Variants in TRO observed in about 807,000 individuals in gnomAD.
TRO encodes MAGE superfamily protein.
In TRO, 29 loss-of-function variants were observed where a neutral mutation model predicts 42.3. That is an observed-to-expected ratio of 0.68 (90% CI 0.51 to 0.93). TRO has a LOEUF of 0.93. Ranked by LOEUF, TRO falls within the 40% of genes least tolerant of loss-of-function variation. The probability of loss-of-function intolerance (pLI) is 0.00; values close to 1 mark genes in which losing one functional copy is unlikely to be tolerated. For synonymous variants in TRO, 384 were observed against 425.2 expected, an observed-to-expected ratio of 0.90 and a Z score of 1.19; for missense variants, 963 against 1,127.7, an observed-to-expected ratio of 0.85 and a Z score of 2.09.
chrX:54,924,614 C>A (rs1227483453), intron 4 of TRO, 56 bp from the exon 5 acceptor site: 1 of 1,201,779 alleles, frequency 8.3e-7, no homozygotes, highest in Admixed American at 2.2e-5. Context: ...TCTCTGCCTC[C>A]TTCCAAGTTT....
chrX:54,923,126 C>T lies in TRO; in HGVS notation c.594C>T (p.Thr198=), dbSNP rs769430731. The T allele has an allele frequency of 1.6e-5, 19 of 1,211,733 alleles. No individual in the cohort carries two copies. In the Admixed American group the frequency reaches 1.7e-4, roughly 11 times the overall value. The change falls in exon 3 of 13, where the codon ACC becomes ACT. Residue 198 remains threonine, a synonymous_variant. Transcript: ENST00000173898. ...NESASSQALI[T]SIKPKKASKA... ...CAGCCAGTTCCCAAGCCTTGATAAC[C>T]TCTATCAAGCCTAAGAAAGCTTCCA...
At chrX:54,921,901 G>A (rs1206510100) in intron 1 of TRO, 8 of 202,853 alleles carry the variant, frequency 3.9e-5, no homozygotes, top group African/African-American at 5.9e-5. Context: ...GCGCGCGGAG[G>A]GCATTGAAGA....
Position 54,922,927 on chromosome X carries a change from T to G in TRO, c.395T>G (p.Val132Gly), listed in dbSNP as rs1414883337. The G allele has an allele frequency of 7.4e-6, 9 of 1,210,247 alleles. No individual in the cohort carries two copies. The highest frequency in any genetic ancestry group is 1.0e-5 in the Non-Finnish European group (9 of 895,320). Residue 132 changes from valine (V) to glycine (G), a missense_variant, in exon 3 of 13, where the codon GTC (valine) becomes GGC (glycine). By Grantham distance (109) the Val-to-Gly change is moderately radical. Coordinates refer to ENST00000173898, the MANE Select transcript of TRO (RefSeq NM_001039705.3). ...TEVTNTQASS[V>G]TAQPKKANKM... is the part of the protein sequence containing the mutation. The stretch of plus-strand genomic sequence containing the variant: ...GTAACCAATACTCAGGCTTCTTCAG[T>G]CACTGCTCAGCCTAAGAAAGCCAAC...
At position 54,930,417 on chromosome X, in the gene TRO, T is replaced by G. The variant is rs753339389; in HGVS notation, c.3693T>G (p.Gly1231=). 2.5e-6 allele frequency: 3 copies of G among 1,211,561 alleles called. No homozygotes were observed. Residue 1231 remains glycine, a synonymous_variant, in exon 12 of 13, where the codon GGT becomes GGG. Coordinates refer to ENST00000173898, the MANE Select transcript of TRO (RefSeq NM_001039705.3). ...TAGGCACCAGTGCTGGCTTCAGTGG[T>G]GGCCTAAGCACAAGTTCTGGCTTTG... ...GGLGTSAGFS[G]GLSTSSGFDG... is the part of the protein sequence containing the mutation.
Position 54,929,575 on chromosome X carries a change from G to A in TRO, c.2851G>A (p.Gly951Ser), listed in dbSNP as rs1211752617. 8.3e-7 allele frequency: 1 copy of A among 1,211,516 alleles called. No individual in the cohort carries two copies. Among genetic ancestry groups the A allele is most frequent in the Non-Finnish European group, 1.1e-6 (1 of 895,348 alleles). ...GSSSTSANFG[G>S]TLSTSICFDG... ...TTCCAGCACCAGTGCCAATTTTGGTGGTACACTAAGTACCAGCATCTGCTT... is the reference window on the plus strand; with the variant it reads ...TTCCAGCACCAGTGCCAATTTTGGTAGTACACTAAGTACCAGCATCTGCTT... The change falls in exon 12 of 13, where the codon GGT becomes AGT. Residue 951 changes from glycine (G) to serine (S), a missense_variant. Around this residue, in one of 2 missense-constraint regions of TRO, gnomAD observed 641 missense variants for 811.3 expected, o/e 0.79. Transcript: ENST00000173898.
chrX:54,927,636 T>C (rs1267608403), intron 10 of TRO, 31 bp from the exon 11 acceptor site: 1 of 1,158,453 alleles, frequency 8.6e-7, no homozygotes, highest in Non-Finnish European at 1.2e-6. Context: ...GGTTGCTTGG[T>C]TAGAAACAAG....
At chrX:54,927,162 G>A in intron 10 of TRO, 57 bp downstream of exon 10, 1 of 1,150,462 alleles carries the variant, frequency 8.7e-7, no homozygotes, top group Non-Finnish European at 1.2e-6. Context: ...TACTGATCTG[G>A]TTCAGAAAGT....
Position 54,924,705 on chromosome X carries a change from CCAGA to C in TRO, c.1380_1383del (p.Thr461ArgfsTer10). ...TGGTGAAATACCTGTTGGTTAAGGA[CCAGA>C]CAAAGATCCCCATCAAACGCTCAGG... On this transcript the variant is annotated frameshift_variant, in exon 5 of 13. Transcript: ENST00000173898. 2.5e-6 allele frequency: 3 copies of C among 1,211,777 alleles called. No homozygotes were observed. Among genetic ancestry groups the C allele is most frequent in the South Asian group, 1.8e-5 (1 of 56,977 alleles).
chrX:54,928,546 G>A, intron 11 of TRO, 57 bp from the exon 12 acceptor site: 1 of 1,121,061 alleles, frequency 8.9e-7, no homozygotes, highest in Non-Finnish European at 1.2e-6. Flanking sequence ...AAAGCCCGTA[G>A]GTTAATACAT....
intron 9 of TRO, 76 bp downstream of exon 9, chrX:54,926,701 G>C: frequency 1.7e-6 from 2 of 1,190,567 alleles, no homozygotes; most frequent in Non-Finnish European, 2.3e-6. Flanking sequence ...GATTGCATCA[G>C]TCTGGTGGTC....
intron 6 of TRO, 21 bp from the exon 7 acceptor site, chrX:54,925,571 G>A (rs777676605): frequency 8.4e-7 from 1 of 1,192,590 alleles, no homozygotes; most frequent in South Asian, 1.8e-5. Context: ...TGATCTCACA[G>A]GCTATTCTTT....
chrX:54,924,768 C>T (rs1423296577), intron 5 of TRO, 35 bp downstream of exon 5: 6 of 1,170,340 alleles, frequency 5.1e-6, no homozygotes, highest in Non-Finnish European at 7.0e-6. Flanking sequence ...TTGAGCTCTC[C>T]TCTCCACTCC....
chrX:54,923,720 G>A lies in TRO; in HGVS notation c.1188G>A (p.Gln396=), dbSNP rs372063341. The change falls in exon 3 of 13, where the codon CAG becomes CAA. Residue 396 remains glutamine (Q), a synonymous_variant. Coordinates refer to ENST00000173898, the MANE Select transcript of TRO (RefSeq NM_001039705.3). ...VQALADDYLA[Q]LSLEPTTRTR... ...CCCTGGCAGATGACTATCTGGCTCA[G>A]TTGAGCCTGGAGCCCACAACCAGGA... The A allele has an allele frequency of 5.0e-5, 60 of 1,208,342 alleles. No homozygotes were observed. The African/African-American group carries it at 7.7e-4, about 15-fold the overall frequency.
At chrX:54,922,318 G>T (rs1204327573) in intron 2 of TRO, 27 bp downstream of exon 2, 4 of 1,197,979 alleles carry the variant, frequency 3.3e-6, no homozygotes, top group Non-Finnish European at 4.5e-6. Flanking sequence ...TTCTCTCTAG[G>T]CCATCTGCCC....
Position 54,924,449 on chromosome X carries a change from A to G in TRO, c.1237-2A>G. ...GGACCTTCCTTCTTTCTGATGATGA[A>G]GTCCAAGCATCTGAATGGGGATGAG... On this transcript the variant is annotated splice_acceptor_variant, in intron 3 of 12. Coordinates refer to ENST00000173898, the MANE Select transcript of TRO (RefSeq NM_001039705.3). LOFTEE classifies it high-confidence loss of function. 8.4e-7 allele frequency: 1 copy of G among 1,197,404 alleles called. No individual in the cohort carries two copies. Among genetic ancestry groups the G allele is most frequent in the Non-Finnish European group, 1.1e-6 (1 of 888,328 alleles).
intron 11 of TRO, 58 bp from the exon 12 acceptor site, chrX:54,928,545 A>G: frequency 9.0e-7 from 1 of 1,115,074 alleles, no homozygotes; most frequent in Non-Finnish European, 1.2e-6. Flanking sequence ...CAAAGCCCGT[A>G]GGTTAATACA....
At position 54,931,408 on chromosome X, in the gene TRO, G is replaced by A; in HGVS notation, c.*216G>A. 9.0e-7 allele frequency: 1 copy of A among 1,117,118 alleles called. No individual in the cohort carries two copies. The allele number at this position is 1,117,118 out of a possible 1,213,427, so 92.1% of individuals were successfully genotyped here. A position where few individuals can be genotyped will look rare whatever the true frequency, so the allele number is the denominator to read the frequency against. The stretch of plus-strand genomic sequence containing the variant: ...TGTGCTGTCATATTTTGGTATCAGA[G>A]TTACATTAAATTTGCAAAATGAATT... On this transcript the variant is annotated 3_prime_UTR_variant, in exon 13 of 13. Transcript: ENST00000173898.
intron 9 of TRO, 116 bp downstream of exon 9, chrX:54,926,741 T>C (rs1932779011): frequency 9.0e-7 from 1 of 1,108,656 alleles, no homozygotes; most frequent in Non-Finnish European, 1.2e-6. Flanking sequence ...CTGGACTGGG[T>C]AGAGGGCCCA....
At position 54,928,660 on chromosome X, in the gene TRO, G is replaced by C. The variant is rs1390795970; in HGVS notation, c.1936G>C (p.Glu646Gln). The change falls in exon 12 of 13, where the codon GAA becomes CAA. Residue 646 changes from glutamate (E) to glutamine (Q), a missense_variant. By Grantham distance (29) the Glu-to-Gln change is conservative. Transcript: ENST00000173898. ...AVQYREAVEM[E>Q]VQAAAVAVAE... is the part of the protein sequence containing the mutation. Reference sequence around the variant, plus strand: ...GCAGTACCGCGAGGCAGTGGAGATGGAAGTCCAAGCTGCAGCTGTGGCTGT... The same window carrying C: ...GCAGTACCGCGAGGCAGTGGAGATGCAAGTCCAAGCTGCAGCTGTGGCTGT... 1 of 1,198,424 alleles carries C rather than the reference G, an allele frequency of 8.3e-7. No homozygotes were observed. The highest frequency in any genetic ancestry group is 1.8e-5 in the South Asian group (1 of 54,122).
Sources: allele counts gnomAD v4.1 joint callset, GRCh38; gene constraint gnomAD v4.1.1; regional missense constraint gnomAD v4.1.1; transcripts MANE v1.5; gene names NCBI Gene and HGNC (gene_info 2026-07-23, HGNC 2026-07-21).